IKZF4: variants seen among roughly 807,000 people sequenced by gnomAD.
The protein encoded by IKZF4 is IKAROS family zinc finger 4.
Under a neutral mutation model 47.7 loss-of-function variants are expected in IKZF4, and 11 were observed. The ratio of observed to expected loss-of-function variants is 0.23; its 90% CI spans 0.15 to 0.38. IKZF4 has a LOEUF of 0.38. Ranked by LOEUF, IKZF4 falls within the 10% of genes least tolerant of loss-of-function variation. IKZF4 has a pLI of 1.00. For missense variants in IKZF4, 557 were observed against 784.9 expected, an observed-to-expected ratio of 0.71 and a Z score of 3.47; for synonymous variants, 298 against 299.4, an observed-to-expected ratio of 1.00 and a Z score of 0.05.
chr12:56,021,688 C>CCG (rs542209292), intron 1 of IKZF4, 108 bp downstream of exon 1: 5 of 658,810 alleles, frequency 7.6e-6, no homozygotes, highest in African/African-American at 2.2e-5. Context: ...AGGATGGGGG[C>CCG]TGTGTGTGTG....
rs58014019 is a variant in IKZF4 at position 56,032,762 on chromosome 12, G to A, written c.865+52G>A. The A allele has an allele frequency of 8.4e-3, 13,461 of 1,598,238 alleles. 1,149 individuals carry two copies. In the East Asian group the frequency reaches 0.2, roughly 24 times the overall value. On this transcript the variant is annotated intron_variant, in intron 6 of 7. Coordinates refer to ENST00000547167, the MANE Select transcript of IKZF4 (RefSeq NM_022465.4). The stretch of plus-strand genomic sequence containing the variant: ...AGTTAAAAGGGGATGGTGAGAGGGA[G>A]TGCTAGACAAGGGTGACTCCAGTAT...
intron 1 of IKZF4, chr12:56,021,813 G>A: frequency 1.6e-6 from 1 of 621,030 alleles, no homozygotes; most frequent in South Asian, 2.0e-5. Context: ...ACGGCGACTT[G>A]GACAGTGGGA....
chr12:56,031,165 C>T (rs1251271885), intron 5 of IKZF4, among the ~76,000 whole-genome samples: 2 of 151,730 alleles, frequency 1.3e-5, no homozygotes, highest in Non-Finnish European at 1.5e-5. Context: ...GCAGGAGAAT[C>T]GCTTGAACCC....
In IKZF4 at chr12:56,027,901, C is replaced by T. The variant is rs186040238; in HGVS notation, c.669C>T (p.Ala223=). The change falls in exon 5 of 8, where the codon GCC becomes GCT. Residue 223 remains alanine, a synonymous_variant. Transcript: ENST00000547167. ...TTAAATGTCCCTTCTGCAACTATGC[C>T]TGCCGCCGGCGTGATGCACTCACTG... ...KPFKCPFCNY[A]CRRRDALTGH... 197 of 1,592,932 alleles carry T rather than the reference C, an allele frequency of 1.2e-4. 1 individual carries two copies. In the East Asian group the frequency reaches 4.2e-3, roughly 34 times the overall value.
upstream of IKZF4, chr12:56,019,478 C>T (rs1207867100): frequency 2.5e-6 from 1 of 397,018 alleles, no homozygotes; most frequent in Non-Finnish European, 3.4e-6. Context: ...TGGGTAAAGG[C>T]ATTCAATATC....
Position 56,035,055 on chromosome 12 carries a change from C to T in IKZF4, c.1482C>T (p.Tyr494=), listed in dbSNP as rs201817216. 2.7e-4 allele frequency: 431 copies of T among 1,579,818 alleles called. 1 individual carries two copies. The highest frequency in any genetic ancestry group is 5.1e-4 in the Middle Eastern group (3 of 5,880). Residue 494 remains tyrosine (Y), a synonymous_variant, in exon 8 of 8, where the codon TAC becomes TAT. Coordinates refer to ENST00000547167, the MANE Select transcript of IKZF4 (RefSeq NM_022465.4). This position sits in a 1 kb window ranked among gnomAD's most constrained non-coding sequence, Gnocchi z 6.1. ...TGGTGGGCCGGCACAGTCCTGCCTA[C>T]GCCAAAGAGGACCCCAAGCCACAGG... The part of the protein sequence containing the change: ...TIVVGRHSPA[Y]AKEDPKPQEG...
At chr12:56,009,470 G>A (rs192171963) in intron 1 of IKZF4, among the ~76,000 whole-genome samples, 26 of 152,280 alleles carry the variant, frequency 1.7e-4, no homozygotes, top group African/African-American at 6.3e-4. Context: ...TGGTTTGCAG[G>A]AGGACTTCAG....
chr12:56,021,168 A>T lies in IKZF4; in HGVS notation c.-326A>T. Reference sequence around the variant, plus strand: ...CCACCCACCCCCTTCACTGTCTTGGAAAAGGGATGCTGTAGCCTAGCATCT... The same window carrying T: ...CCACCCACCCCCTTCACTGTCTTGGTAAAGGGATGCTGTAGCCTAGCATCT... On this transcript the variant is annotated 5_prime_UTR_variant, in exon 1 of 8. Transcript: ENST00000547167. The T allele has an allele frequency of 1.7e-6, 2 of 1,196,020 alleles. No individual in the cohort carries two copies. Among genetic ancestry groups the T allele is most frequent in the African/African-American group, 1.7e-5 (1 of 58,594 alleles). 74.1% of individuals were successfully genotyped at this position (1,196,020 alleles called of 1,614,324 possible).
intron 7 of IKZF4, 40 bp downstream of exon 7, chr12:56,033,361 C>T: frequency 6.2e-7 from 1 of 1,611,596 alleles, no homozygotes; most frequent in Non-Finnish European, 8.5e-7. Context: ...CTTTAAGCCA[C>T]AGCTCAAATA....
rs1263684531 is a variant in IKZF4, at chr12:56,038,187, T to C, written c.*2856T>C. Reference sequence around the variant, plus strand: ...CCTAGGGTTTCCTTTGTAGCCTATGTTTGGTGTCTCTTTTGACCTTTACCC... The same window carrying C: ...CCTAGGGTTTCCTTTGTAGCCTATGCTTGGTGTCTCTTTTGACCTTTACCC... On this transcript the variant is annotated 3_prime_UTR_variant, in exon 8 of 8. Transcript: ENST00000547167. The C allele has an allele frequency of 6.6e-6, 1 of 152,372 alleles. No individual in the cohort carries two copies. Among genetic ancestry groups the C allele is most frequent in the Admixed American group, 6.6e-5 (1 of 15,248 alleles). The allele number at this position is 152,372 out of a possible 1,614,324, so 9.4% of individuals were successfully genotyped here. A position where few individuals can be genotyped will look rare whatever the true frequency, so the allele number is the denominator to read the frequency against.
At position 56,021,368 on chromosome 12, in the gene IKZF4, G is replaced by T; in HGVS notation, c.-126G>T. ...GCTGCTCTTGCTGGCTGCAGCCGTG[G>T]GCCTCTGCTCACCGTGCCGCTGCTG... On this transcript the variant is annotated 5_prime_UTR_variant, in exon 1 of 8. Transcript: ENST00000547167. 2 of 1,545,886 alleles carry T rather than the reference G, an allele frequency of 1.3e-6. No homozygotes were observed. The highest frequency in any genetic ancestry group is 1.2e-5 in the South Asian group (1 of 83,980).
At chr12:56,014,190 CA>C (rs1891713064) in intron 2 of IKZF4, among the ~76,000 whole-genome samples, 1 of 149,494 alleles carries the variant, frequency 6.7e-6, no homozygotes, top group Non-Finnish European at 1.5e-5. Flanking sequence ...AAGAAACAAA[CA>C]AACAAAAACC....
At chr12:56,021,623 G>A in intron 1 of IKZF4, 43 bp downstream of exon 1, 1 of 1,567,782 alleles carries the variant, frequency 6.4e-7, no homozygotes, top group East Asian at 2.4e-5. Flanking sequence ...AGGAAGGGGG[G>A]TGCTGGGGCT....
At position 56,037,292 on chromosome 12, in the gene IKZF4, T is replaced by C. The variant is rs1895705617; in HGVS notation, c.*1961T>C. 1.3e-5 allele frequency: 2 copies of C among 152,626 alleles called. No homozygotes were observed. Among genetic ancestry groups the C allele is most frequent in the South Asian group, 4.1e-4 (2 of 4,832 alleles). 9.5% of individuals were successfully genotyped at this position (152,626 alleles called of 1,614,324 possible). A position where few individuals can be genotyped will look rare whatever the true frequency, so the allele number is the denominator to read the frequency against. On this transcript the variant is annotated 3_prime_UTR_variant, in exon 8 of 8. Coordinates refer to ENST00000547167, the MANE Select transcript of IKZF4 (RefSeq NM_022465.4). ...GGGCAATTGTTCCTCCTTGACAATGTAGCAATAAATAGATGCTGCCAAGGG... is the reference window on the plus strand; with the variant it reads ...GGGCAATTGTTCCTCCTTGACAATGCAGCAATAAATAGATGCTGCCAAGGG...
intron 5 of IKZF4, among the ~76,000 whole-genome samples, chr12:56,031,953 G>C (rs1894978015): frequency 6.6e-6 from 1 of 152,078 alleles, no homozygotes; most frequent in Non-Finnish European, 1.5e-5. Flanking sequence ...TCAGCGTAGA[G>C]AGACAGAGAG....
chr12:56,030,156 C>T (rs1260936208), intron 5 of IKZF4, among the ~76,000 whole-genome samples: 2 of 152,116 alleles, frequency 1.3e-5, no homozygotes, highest in African/African-American at 4.8e-5. Context: ...TGGCTCACGT[C>T]TATCATCCCA....
At chr12:56,034,118 G>A (rs547958432) in intron 7 of IKZF4, among the ~76,000 whole-genome samples, 68 of 152,188 alleles carry the variant, frequency 4.5e-4, no homozygotes, top group Non-Finnish European at 8.5e-4. Context: ...AGCCAGGATG[G>A]TCTTAATCTC....
chr12:56,034,568 C>T lies in IKZF4; in HGVS notation c.998-3C>T. ...AGCCCTGCTGAGTTCCTGTTCTCCA[C>T]AGGCGAAAAGCAGATGCGCTTCAGC... On this transcript the variant is annotated splice_region_variant and splice_polypyrimidine_tract_variant and intron_variant, in intron 7 of 7. Coordinates refer to ENST00000547167, the MANE Select transcript of IKZF4 (RefSeq NM_022465.4). 1 of 1,595,424 alleles carries T rather than the reference C, an allele frequency of 6.3e-7. No homozygotes were observed. The highest frequency in any genetic ancestry group is 8.6e-7 in the Non-Finnish European group (1 of 1,168,678).
chr12:56,016,589 A>ATTTTG (rs1892102962), upstream of IKZF4, among the ~76,000 whole-genome samples: 3 of 142,344 alleles, frequency 2.1e-5, no homozygotes, highest in South Asian at 2.3e-4. Flanking sequence ...CGCCCAGCTA[A>ATTTTG]TTTTGTTTTG....
Sources: allele counts gnomAD v4.1 joint callset (sites outside exome capture counted in the v4.1 genomes callset), GRCh38; gene constraint gnomAD v4.1.1; non-coding constraint Gnocchi (gnomAD v3.1); transcripts MANE v1.5; gene names NCBI Gene and HGNC (gene_info 2026-07-23, HGNC 2026-07-21).